The following NF1 variants were observed in gnomAD, a reference collection of about 807,000 sequenced individuals.
The protein encoded by NF1 is neurofibromin 1, also known as neurofibromin.
NF1 carries 122 observed loss-of-function variants against 325.7 expected under a neutral mutation model. The observed-to-expected ratio is 0.37, with a 90% CI of 0.32 to 0.44. The LOEUF (loss-of-function observed/expected upper bound fraction) is 0.44, where lower values mean the gene tolerates loss of function less well. NF1 is among the 20% of genes least tolerant of loss of function. The pLI, the probability that NF1 is intolerant of heterozygous loss-of-function variation, is 1.00. For missense variants in NF1, 2,140 were observed against 3,415.4 expected, an observed-to-expected ratio of 0.63 and a Z score of 9.31; for synonymous variants, 1,091 against 1,186.0, an observed-to-expected ratio of 0.92 and a Z score of 1.65.
intron 57 of NF1, among the ~76,000 whole-genome samples, chr17:31,366,349 T>TA (rs2070520502): frequency 6.6e-6 from 1 of 152,232 alleles, no homozygotes; most frequent in African/African-American, 2.4e-5. Context: ...AGTTCATCGT[T>TA]ACTTTAGACT....
At chr17:31,359,170 G>T (rs1397481235) in intron 56 of NF1, 155 bp downstream of exon 56, 4 of 668,118 alleles carry the variant, frequency 6.0e-6, no homozygotes, top group Non-Finnish European at 1.0e-5. Flanking sequence ...TCATCACAAG[G>T]TTTTTTTCCA....
chr17:31,134,552 C>G (rs532249169), intron 1 of NF1, among the ~76,000 whole-genome samples: 1 of 152,228 alleles, frequency 6.6e-6, no homozygotes, highest in Non-Finnish European at 1.5e-5. Context: ...TTCTGTCCAT[C>G]TGAAATCCAT....
intron 31 of NF1, among the ~76,000 whole-genome samples, chr17:31,256,001 G>C (rs1484484072): frequency 6.6e-6 from 1 of 152,096 alleles, no homozygotes; most frequent in Non-Finnish European, 1.5e-5. Context: ...ATTTTAATGA[G>C]TTAAACGTAT....
At chr17:31,184,283 G>A (rs1047428435) in intron 8 of NF1, among the ~76,000 whole-genome samples, 1 of 152,144 alleles carries the variant, frequency 6.6e-6, no homozygotes, top group East Asian at 1.9e-4. Context: ...TAATACCTTT[G>A]ACCATATATG....
rs71142039 is a variant in NF1, at chr17:31,263,120, T to TAGATAAGATAAGATA, written c.4724+1274_4724+1288dup. Among the ~76,000 whole-genome samples, 144 of 95,768 alleles carry TAGATAAGATAAGATA rather than the reference T, an allele frequency of 1.5e-3. 1 individual carries two copies. Among genetic ancestry groups the TAGATAAGATAAGATA allele is most frequent in the Middle Eastern group, 8.6e-3 (1 of 116 alleles). The allele number at this position is 95,768 out of a possible 152,430, so 62.8% of individuals were successfully genotyped here. On this transcript the variant is annotated intron_variant, in intron 35 of 57. Coordinates refer to ENST00000358273, the MANE Select transcript of NF1 (RefSeq NM_001042492.3). ...GTAGGTAGGTAGGTAGATAGATAGA[T>TAGATAAGATAAGATA]AGATAAGATAAGATAAGATAAGATA...
At chr17:31,160,510 C>T (rs946978435) in intron 3 of NF1, among the ~76,000 whole-genome samples, 38 of 152,038 alleles carry the variant, frequency 2.5e-4, no homozygotes, top group Admixed American at 2.2e-3. Context: ...TGGTATTTTC[C>T]GTTAACTTGT....
intron 50 of NF1, 57 bp downstream of exon 50, chr17:31,350,375 A>G: frequency 6.7e-7 from 1 of 1,488,312 alleles, no homozygotes; most frequent in East Asian, 2.3e-5. Context: ...CAATTTTCCA[A>G]CTAATGGAGG....
intron 39 of NF1, among the ~76,000 whole-genome samples, chr17:31,334,114 G>A (rs953172277): frequency 3.3e-5 from 5 of 151,976 alleles, no homozygotes; most frequent in Non-Finnish European, 7.4e-5. Context: ...GTGAAACCCC[G>A]TCTCTACTCA....
At chr17:31,175,247 G>C (rs1242416997) in intron 5 of NF1, among the ~76,000 whole-genome samples, 2 of 150,902 alleles carry the variant, frequency 1.3e-5, no homozygotes, top group Non-Finnish European at 2.9e-5. Context: ...CATAGGAAAA[G>C]TGGTAGAAGT....
Position 31,232,075 on chromosome 17 carries a change from A to AATTTT in NF1, c.3200_3201insATTTT (p.Asp1067GlufsTer12). 5.7e-6 allele frequency: 3 copies of AATTTT among 523,384 alleles called. No individual in the cohort carries two copies. The highest frequency in any genetic ancestry group is 9.9e-6 in the Non-Finnish European group (3 of 303,768). 32.4% of individuals were successfully genotyped at this position (523,384 alleles called of 1,614,324 possible). A position where few individuals can be genotyped will look rare whatever the true frequency, so the allele number is the denominator to read the frequency against. On this transcript the variant is annotated frameshift_variant, in exon 25 of 58. Transcript: ENST00000358273. LOFTEE classifies it high-confidence loss of function. The stretch of plus-strand genomic sequence containing the variant: ...TTTTTTTTTTTTTTTTTTTTCAGAG[A>AATTTT]TTTGGACCAGGCAAGCATGGAAGCA...
intron 36 of NF1, among the ~76,000 whole-genome samples, chr17:31,324,576 A>T (rs28437804): frequency 3.3e-5 from 5 of 151,658 alleles, no homozygotes; most frequent in African/African-American, 9.7e-5. Flanking sequence ...TTTTATTATT[A>T]TTTTTTTAAG....
At chr17:31,278,167 C>T (rs149051912) in intron 36 of NF1, 10 of 152,280 alleles carry the variant, frequency 6.6e-5, no homozygotes, top group Admixed American at 6.5e-4. Context: ...TATATACTTA[C>T]ATTACTTTCC....
At chr17:31,097,828 C>A (rs1052489179) in intron 1 of NF1, among the ~76,000 whole-genome samples, 4 of 152,064 alleles carry the variant, frequency 2.6e-5, no homozygotes, top group African/African-American at 9.7e-5. Context: ...TCCCAAGTAG[C>A]TGGGATTACA....
rs760949880 is a variant in NF1, at chr17:31,258,415, T to A, written c.4245T>A (p.Asn1415Lys). ...VGSAMFLRFI[N>K]PAIVSPYEAG... is the part of the protein sequence containing the mutation. ...GTGCCATGTTCCTCAGATTTATCAA[T>A]CCTGCCATTGTCTCACCGTATGAAG... Residue 1415 changes from asparagine (N) to lysine (K), a missense_variant, in exon 32 of 58, where the codon AAT becomes AAA. Coordinates refer to ENST00000358273, the MANE Select transcript of NF1 (RefSeq NM_001042492.3). The A allele has an allele frequency of 6.2e-7, 1 of 1,613,600 alleles. No individual in the cohort carries two copies. Among genetic ancestry groups the A allele is most frequent in the South Asian group, 1.1e-5 (1 of 91,082 alleles).
intron 1 of NF1, among the ~76,000 whole-genome samples, chr17:31,131,405 C>T (rs913285186): frequency 6.6e-5 from 10 of 152,150 alleles, no homozygotes; most frequent in Admixed American, 2.0e-4. Flanking sequence ...TCACTGGGGG[C>T]CAGGAAAAAG....
intron 1 of NF1, among the ~76,000 whole-genome samples, chr17:31,101,412 T>C (rs899409201): frequency 2.0e-5 from 3 of 152,158 alleles, no homozygotes; most frequent in Admixed American, 1.3e-4. Context: ...GAAAAAGAAA[T>C]GGCTAGAAAA....
rs191958310 is a variant in NF1 at position 31,101,304 on chromosome 17, T to C, written c.60+5935T>C. ...ACAATACTTTTCTACTGAATTGGAG[T>C]TCCTTAGCGGGGGTCTTAGTTTTGT... On this transcript the variant is annotated intron_variant, in intron 1 of 57. Transcript: ENST00000358273. Among the ~76,000 whole-genome samples the C allele has an allele frequency of 7.9e-5, 12 of 152,232 alleles. No homozygotes were observed. The East Asian group carries it at 2.1e-3, about 27-fold the overall frequency.
intron 8 of NF1, among the ~76,000 whole-genome samples, chr17:31,185,402 T>C (rs2066220709): frequency 6.6e-6 from 1 of 152,172 alleles, no homozygotes; most frequent in African/African-American, 2.4e-5. Flanking sequence ...ATTAATGATA[T>C]TATGCTGATT....
At chr17:31,095,466 C>T (rs1427736754) in intron 1 of NF1, 97 bp downstream of exon 1, 46 of 1,240,022 alleles carry the variant, frequency 3.7e-5, no homozygotes, top group South Asian at 2.3e-4. Context: ...CCGCGGCTGC[C>T]TCAGGCTCTG....
Sources: gnomAD v4.1 joint callset for allele counts (sites outside exome capture counted in the v4.1 genomes callset) on GRCh38, gnomAD v4.1.1 for gene constraint, MANE v1.5 for transcripts, NCBI Gene and HGNC (gene_info 2026-07-23, HGNC 2026-07-21) for gene names.